LAMB1: variants seen among roughly 807,000 people sequenced by gnomAD.
LAMB1 encodes laminin subunit beta-1.
LAMB1 carries 121 observed loss-of-function variants against 222.3 expected under a neutral mutation model. That is an observed-to-expected ratio of 0.54 (90% CI 0.47 to 0.63). LAMB1 has a LOEUF of 0.63. Among genes scored for constraint, LAMB1 ranks in the 30% least tolerant of loss-of-function variants. The pLI, the probability that LAMB1 is intolerant of heterozygous loss-of-function variation, is 0.00. For synonymous variants in LAMB1, 794 were observed against 807.2 expected (o/e 0.98, Z 0.28); for missense variants, 2,172 against 2,240.8 (o/e 0.97, Z 0.62).
rs35802141 is a variant in LAMB1, at chr7:107,978,161, C to T, written c.886G>A (p.Gly296Arg). Residue 296 changes from glycine (G) to arginine (R), a missense_variant, in exon 9 of 34, where the codon GGA becomes AGA. Gly to Arg is a moderately radical substitution (Grantham distance 125). Transcript: ENST00000222399. Reference sequence around the variant, plus strand: ...GTGTTATGCCTGCACATGCAGTGTCCGTGAACCTTGAAAGTTATAAAAACA... The same window carrying T: ...GTGTTATGCCTGCACATGCAGTGTCTGTGAACCTTGAAAGTTATAAAAACA... The part of the protein sequence containing the change: ...FNEEVEGMVH[G>R]HCMCRHNTKG... 31 of 1,613,760 alleles carry T rather than the reference C, an allele frequency of 1.9e-5. No homozygotes were observed. Among genetic ancestry groups the T allele is most frequent in the African/African-American group, 2.7e-5 (2 of 75,018 alleles).
At chr7:107,943,945 G>A (rs888903074) in intron 24 of LAMB1, among the ~76,000 whole-genome samples, 1 of 150,470 alleles carries the variant, frequency 6.6e-6, no homozygotes, top group African/African-American at 2.5e-5. Context: ...CAGGACTTAC[G>A]TAACAGAGGA....
chr7:107,964,854 A>T, intron 13 of LAMB1, among the ~76,000 whole-genome samples, 167 bp from the exon 14 acceptor site: 1 of 152,234 alleles, frequency 6.6e-6, no homozygotes, highest in East Asian at 1.9e-4. Context: ...CTATGGATTA[A>T]TCCCAAACTC....
In LAMB1 at chr7:107,932,214, A is replaced by T. The variant is rs1434416216; in HGVS notation, c.4352T>A (p.Val1451Asp). Residue 1451 changes from valine to aspartate, a missense_variant, in exon 28 of 34, where the codon GTC (valine) becomes GAC (aspartate). Val to Asp is a radical substitution (Grantham distance 152, BLOSUM62 -3). Coordinates refer to ENST00000222399, the MANE Select transcript of LAMB1 (RefSeq NM_002291.3). Reference protein sequence around the residue: ...WQKAMDLDQDVLSALAEVEQL... With the variant: ...WQKAMDLDQDDLSALAEVEQL... ...TTCCACTTCAGCCAGGGCACTCAGG[A>T]CATCTTGGTCCAAGTCCATGGCTTT... The T allele has an allele frequency of 7.4e-6, 12 of 1,614,138 alleles. No homozygotes were observed. Among genetic ancestry groups the T allele is most frequent in the Non-Finnish European group, 8.5e-6 (10 of 1,180,058 alleles).
intron 24 of LAMB1, 105 bp downstream of exon 24, chr7:107,951,121 G>T: frequency 2.6e-6 from 2 of 758,072 alleles, no homozygotes; most frequent in Non-Finnish European, 4.4e-6. Context: ...GGTTCTTATA[G>T]ACACGTTAAT....
intron 9 of LAMB1, among the ~76,000 whole-genome samples, chr7:107,976,982 C>T (rs1425717877): frequency 2.9e-5 from 4 of 140,116 alleles, no homozygotes; most frequent in Non-Finnish European, 6.2e-5. Flanking sequence ...TCCTTCCTTC[C>T]TTTCCTCTTC....
intron 16 of LAMB1, 106 bp downstream of exon 16, chr7:107,961,443 G>GT: frequency 6.4e-7 from 1 of 1,571,114 alleles, no homozygotes; most frequent in Non-Finnish European, 8.7e-7. Flanking sequence ...AAAGTCAGCA[G>GT]TCAACGTCTG....
intron 31 of LAMB1, among the ~76,000 whole-genome samples, chr7:107,927,530 A>G (rs756187326): frequency 5.3e-5 from 8 of 152,168 alleles, no homozygotes; most frequent in African/African-American, 1.4e-4. Context: ...ATAGTGCACT[A>G]TAGTCTCAAA....
chr7:107,937,348 T>C (rs560768429), intron 25 of LAMB1, 71 bp from the exon 26 acceptor site: 112 of 1,207,442 alleles, frequency 9.3e-5, no homozygotes, highest in Non-Finnish European at 1.2e-4. Context: ...TCATATTTTC[T>C]ACTAGTACTG....
At chr7:107,924,416 AAGT>A in intron 32 of LAMB1, 27 bp from the exon 33 acceptor site, 1 of 1,564,514 alleles carries the variant, frequency 6.4e-7, no homozygotes, top group Non-Finnish European at 8.7e-7. Context: ...AGACAGAAAG[AAGT>A]GGTAATGTTA....
chr7:107,961,157 C>G (rs1308837572), intron 17 of LAMB1, 49 bp downstream of exon 17: 1 of 1,611,574 alleles, frequency 6.2e-7, no homozygotes. Flanking sequence ...CAGCTGGGCA[C>G]TTTCCGCCCA....
intron 24 of LAMB1, among the ~76,000 whole-genome samples, chr7:107,944,176 G>T (rs2033060319): frequency 6.6e-6 from 1 of 152,192 alleles, no homozygotes; most frequent in Non-Finnish European, 1.5e-5. Flanking sequence ...CTGGATTCAT[G>T]CTTGGGGCAA....
chr7:107,938,627 G>A (rs1480990604), intron 25 of LAMB1, among the ~76,000 whole-genome samples: 1 of 152,120 alleles, frequency 6.6e-6, no homozygotes, highest in East Asian at 1.9e-4. Flanking sequence ...GCTCTCAAAG[G>A]ACACCAGATT....
chr7:107,955,570 G>A lies in LAMB1; in HGVS notation c.2751C>T (p.Cys917=), dbSNP rs747991906. The A allele has an allele frequency of 1.9e-6, 3 of 1,614,052 alleles. No individual in the cohort carries two copies. Among genetic ancestry groups the A allele is most frequent in the African/African-American group, 1.3e-5 (1 of 75,036 alleles). ...IIGSGDHCRP[C]PCPDGPDSGR... is the part of the protein sequence containing the mutation. ...CACTGTCGGGACCATCTGGGCAAGG[G>A]CAAGGGCGGCAGTGATCTCCTGACC... The change falls in exon 21 of 34, where the codon TGC becomes TGT. Residue 917 remains cysteine, a synonymous_variant. Transcript: ENST00000222399.
At position 107,940,049 on chromosome 7, in the gene LAMB1, A is replaced by C. The variant is rs777407542; in HGVS notation, c.3701T>G (p.Leu1234Arg). The C allele has an allele frequency of 3.7e-6, 6 of 1,614,084 alleles. No individual in the cohort carries two copies. In the East Asian group the frequency reaches 1.3e-4, roughly 36 times the overall value. The part of the protein sequence containing the change: ...ERKVSEIKDI[L>R]AQSPAAEPLK... ...TGGCTCTGCTGCGGGGCTCTGCGCCAGGATGTCTTTTATCTCGCTGACTTT... is the reference window on the plus strand; with the variant it reads ...TGGCTCTGCTGCGGGGCTCTGCGCCCGGATGTCTTTTATCTCGCTGACTTT... The change falls in exon 25 of 34, where the codon CTG (leucine) becomes CGG (arginine). Residue 1234 changes from leucine (L) to arginine (R), a missense_variant. Physicochemically the swap from Leu to Arg is moderately radical, Grantham distance 102. Coordinates refer to ENST00000222399, the MANE Select transcript of LAMB1 (RefSeq NM_002291.3).
chr7:107,925,148 A>G (rs2032530479), intron 32 of LAMB1, among the ~76,000 whole-genome samples: 1 of 152,118 alleles, frequency 6.6e-6, no homozygotes, highest in Admixed American at 6.6e-5. Context: ...ACCTAGAGAG[A>G]GGTAGGGAAA....
Position 107,959,146 on chromosome 7 carries a change from G to A in LAMB1, c.2690+103C>T, listed in dbSNP as rs2033438712. ...AATAGTGAGGTGGTCAGAAATGAAT[G>A]AGCGAGCTGAAGCCTGGTGGAGATG... On this transcript the variant is annotated intron_variant, in intron 20 of 33. Transcript: ENST00000222399. The A allele has an allele frequency of 6.0e-5, 52 of 868,012 alleles. 2 individuals are homozygous for A. In the South Asian group the frequency reaches 6.9e-4, roughly 12 times the overall value. The allele number at this position is 868,012 out of a possible 1,614,324, so 53.8% of individuals were successfully genotyped here. A position where few individuals can be genotyped will look rare whatever the true frequency, so the allele number is the denominator to read the frequency against.
intron 26 of LAMB1, 116 bp from the exon 27 acceptor site, chr7:107,935,772 CA>C: frequency 5.1e-6 from 6 of 1,181,838 alleles, no homozygotes; most frequent in Non-Finnish European, 7.1e-6. Flanking sequence ...TTTTAAAATT[CA>C]AGAAAAAATA....
intron 13 of LAMB1, among the ~76,000 whole-genome samples, chr7:107,968,065 A>T (rs1281471932): frequency 6.6e-6 from 1 of 152,066 alleles, no homozygotes; most frequent in Non-Finnish European, 1.5e-5. Flanking sequence ...CCAGATCTCG[A>T]CCTTGCTACA....
chr7:107,991,574 T>G (rs2034182531), intron 5 of LAMB1, among the ~76,000 whole-genome samples: 1 of 135,364 alleles, frequency 7.4e-6, no homozygotes, highest in Non-Finnish European at 1.6e-5. Flanking sequence ...GCAACAAGAG[T>G]GAAACTCCAT....
Sources: gnomAD v4.1 joint callset for allele counts (sites outside exome capture counted in the v4.1 genomes callset) on GRCh38, gnomAD v4.1.1 for gene constraint, MANE v1.5 for transcripts, NCBI Gene and HGNC (gene_info 2026-07-23, HGNC 2026-07-21) for gene names.